USP15: variants seen among roughly 807,000 people sequenced by gnomAD.
The protein encoded by USP15 is ubiquitin specific peptidase 15, also known as ubiquitin carboxyl-terminal hydrolase 15.
USP15 carries 18 observed loss-of-function variants against 127.1 expected under a neutral mutation model. The observed-to-expected ratio is 0.14, with a 90% CI of 0.10 to 0.21. The LOEUF (loss-of-function observed/expected upper bound fraction) is 0.21. Among genes scored for constraint, USP15 ranks in the 10% least tolerant of loss-of-function variants. The pLI, the probability that USP15 is intolerant of heterozygous loss-of-function variation, is 1.00. For synonymous variants in USP15, 364 were observed against 393.7 expected, an observed-to-expected ratio of 0.92 and a Z score of 0.89; for missense variants, 805 against 1,159.9, an observed-to-expected ratio of 0.69 and a Z score of 4.44.
chr12:62,308,761 A>G (rs928713318), intron 3 of USP15, among the ~76,000 whole-genome samples: 2 of 152,186 alleles, frequency 1.3e-5, no homozygotes, highest in Non-Finnish European at 2.9e-5. Context: ...AAATTCCAGT[A>G]AACTTCAAAT....
intron 7 of USP15, among the ~76,000 whole-genome samples, chr12:62,351,379 A>G (rs896008389): frequency 6.6e-6 from 1 of 150,754 alleles, no homozygotes; most frequent in Non-Finnish European, 1.5e-5. Context: ...ATTTTTTCAT[A>G]CTAGATAAAA....
At chr12:62,280,700 G>C (rs1471672870) in intron 1 of USP15, among the ~76,000 whole-genome samples, 1 of 152,078 alleles carries the variant, frequency 6.6e-6, no homozygotes, top group Non-Finnish European at 1.5e-5. Context: ...TCAGACCATA[G>C]CTCTACATGT....
intron 2 of USP15, among the ~76,000 whole-genome samples, chr12:62,301,551 AAAT>A: frequency 6.6e-6 from 1 of 152,126 alleles, no homozygotes; most frequent in Middle Eastern, 3.4e-3. Context: ...ATAGATCTCA[AAAT>A]AATTACATGG....
chr12:62,380,556 A>G (rs7970298), intron 8 of USP15, among the ~76,000 whole-genome samples: 11,672 of 152,036 alleles, frequency 0.077, 577 homozygotes, highest in Middle Eastern at 0.16. Context: ...AGTTTCTACT[A>G]TTTTCCATGC....
chr12:62,260,427 G>T lies in USP15; in HGVS notation c.13G>T (p.Gly5Ter). Residue 5 changes from glycine to a stop codon, truncating the protein, a stop_gained, in exon 1 of 22, where the codon GGA (glycine) becomes TGA (stop). Coordinates refer to ENST00000280377, the MANE Select transcript of USP15 (RefSeq NM_001252078.2). LOFTEE classifies it high-confidence loss of function. ...CTAGTGGAAGAAGATGGCGGAAGGC[G>T]GAGCGGCGGATCTGGACACCCAGCG... MAEG[G>*]AADLDTQRSD... 1 of 1,551,398 alleles carries T rather than the reference G, an allele frequency of 6.4e-7. No homozygotes were observed.
intron 1 of USP15, among the ~76,000 whole-genome samples, chr12:62,264,326 G>A (rs2063146000): frequency 6.6e-6 from 1 of 152,130 alleles, no homozygotes; most frequent in South Asian, 2.1e-4. Flanking sequence ...TTATGAGTAA[G>A]TAAAACATAA....
intron 3 of USP15, among the ~76,000 whole-genome samples, chr12:62,309,331 A>G (rs1335506857): frequency 6.6e-6 from 1 of 152,152 alleles, no homozygotes; most frequent in East Asian, 1.9e-4. Context: ...GATGAAGTGG[A>G]TAATTTCTAG....
In USP15 at chr12:62,283,136, A is replaced by G. The variant is rs149454416; in HGVS notation, c.90-11043A>G. Among the ~76,000 whole-genome samples the G allele has an allele frequency of 2.6e-4, 40 of 152,354 alleles. No individual in the cohort carries two copies. The East Asian group carries it at 6.9e-3, about 26-fold the overall frequency. On this transcript the variant is annotated intron_variant, in intron 1 of 21. Coordinates refer to ENST00000280377, the MANE Select transcript of USP15 (RefSeq NM_001252078.2). ...ATACTATACTCCCCAGTAGTTTTTC[A>G]TACAAGTAAATCATTAAGGGGCAGA...
At chr12:62,327,216 AT>A (rs35303425) in intron 6 of USP15, among the ~76,000 whole-genome samples, 11,847 of 151,562 alleles carry the variant, frequency 0.078, 586 homozygotes, top group Middle Eastern at 0.16. Context: ...CTTACGTGAA[AT>A]TTTTTTTTCC....
chr12:62,376,581 A>G (rs1199209434), intron 8 of USP15, among the ~76,000 whole-genome samples: 3 of 152,224 alleles, frequency 2.0e-5, no homozygotes, highest in Non-Finnish European at 4.4e-5. Flanking sequence ...TCCAAATGGC[A>G]TGAGACTGGT....
chr12:62,345,930 A>G (rs891078857), intron 6 of USP15, among the ~76,000 whole-genome samples: 3 of 152,180 alleles, frequency 2.0e-5, no homozygotes, highest in African/African-American at 4.8e-5. Flanking sequence ...TGATTCAATC[A>G]TTTCCCACCA....
chr12:62,306,412 C>T (rs1005022833), intron 3 of USP15, among the ~76,000 whole-genome samples: 5 of 152,048 alleles, frequency 3.3e-5, no homozygotes, highest in South Asian at 2.1e-4. Flanking sequence ...TTAAACAAAC[C>T]GTTAGTAGAT....
intron 6 of USP15, among the ~76,000 whole-genome samples, chr12:62,326,565 C>G (rs916697353): frequency 6.6e-6 from 1 of 151,932 alleles, no homozygotes; most frequent in African/African-American, 2.4e-5. Flanking sequence ...TCTTTATAAT[C>G]AAACACATTA....
At chr12:62,314,079 C>T (rs2064759431) in intron 3 of USP15, 1 of 808,548 alleles carries the variant, frequency 1.2e-6, no homozygotes, top group East Asian at 1.2e-4. Context: ...TTAATATATA[C>T]ATATTTCCTT....
intron 8 of USP15, among the ~76,000 whole-genome samples, chr12:62,373,714 T>TTA (rs911627050): frequency 6.6e-6 from 1 of 151,964 alleles, no homozygotes; most frequent in Non-Finnish European, 1.5e-5. Flanking sequence ...GTTCTTTTTT[T>TTA]AAAGTTGAAG....
At chr12:62,371,294 TTC>T (rs1172953240) in intron 8 of USP15, among the ~76,000 whole-genome samples, 1 of 152,214 alleles carries the variant, frequency 6.6e-6, no homozygotes, top group Non-Finnish European at 1.5e-5. Context: ...TTTTCATACT[TTC>T]TCTCTTTCTT....
At chr12:62,276,039 A>T (rs180795624) in intron 1 of USP15, among the ~76,000 whole-genome samples, 1 of 152,138 alleles carries the variant, frequency 6.6e-6, no homozygotes, top group South Asian at 2.1e-4. Context: ...CTATGAACCC[A>T]GATAATATTA....
chr12:62,262,321 A>G (rs950797161), intron 1 of USP15, among the ~76,000 whole-genome samples: 1 of 152,220 alleles, frequency 6.6e-6, no homozygotes, highest in Non-Finnish European at 1.5e-5. Context: ...TAGGACACCC[A>G]TGTTTACCTT....
intron 6 of USP15, among the ~76,000 whole-genome samples, chr12:62,339,745 A>T (rs972524625): frequency 6.6e-6 from 1 of 152,158 alleles, no homozygotes; most frequent in African/African-American, 2.4e-5. Context: ...TCACTTGATC[A>T]TGGTGGATAA....
Sources: gnomAD v4.1 joint callset for allele counts (sites outside exome capture counted in the v4.1 genomes callset) on GRCh38, gnomAD v4.1.1 for gene constraint, MANE v1.5 for transcripts, NCBI Gene and HGNC (gene_info 2026-07-23, HGNC 2026-07-21) for gene names.